DHX57: variants seen among roughly 807,000 people sequenced by gnomAD.
The protein encoded by DHX57 is putative ATP-dependent RNA helicase DHX57.
Under a neutral mutation model 156.2 loss-of-function variants are expected in DHX57, and 105 were observed. That is an observed-to-expected ratio of 0.67 (90% CI 0.57 to 0.79). DHX57 has a LOEUF of 0.79. Ranked by LOEUF, DHX57 falls within the 30% of genes least tolerant of loss-of-function variation. The probability of loss-of-function intolerance (pLI) is 0.00; values close to 1 mark genes in which losing one functional copy is unlikely to be tolerated. For synonymous variants in DHX57, 704 were observed against 595.6 expected, an observed-to-expected ratio of 1.18 and a Z score of -2.65; for missense variants, 1,847 against 1,661.9, an observed-to-expected ratio of 1.11 and a Z score of -1.94.
rs75639677 is a variant in DHX57, at chr2:38,805,499, G to A, written c.3816+1060C>T. 7.5e-3 allele frequency among the ~76,000 whole-genome samples: 1,135 copies of A among 152,296 alleles called. 7 individuals carry two copies. The highest frequency in any genetic ancestry group is 0.025 in the African/African-American group (1,041 of 41,552). On this transcript the variant is annotated intron_variant, in intron 22 of 23. Coordinates refer to ENST00000457308, the MANE Select transcript of DHX57 (RefSeq NM_198963.3). ...AGGTTGGAGACAGAAAGCACCAGAT[G>A]TAAGATTATTATAGAATTTCAGGCA...
At chr2:38,847,467 A>AT (rs1672352310) in intron 10 of DHX57, among the ~76,000 whole-genome samples, 2 of 152,306 alleles carry the variant, frequency 1.3e-5, no homozygotes, top group South Asian at 4.1e-4. Context: ...AAACTGCACT[A>AT]TTTTTTATCA....
Position 38,856,466 on chromosome 2 carries a change from T to G in DHX57, c.1588-5A>C, listed in dbSNP as rs777352699. 2.5e-6 allele frequency: 4 copies of G among 1,580,958 alleles called. No individual in the cohort carries two copies. In the South Asian group the frequency reaches 4.7e-5, roughly 19 times the overall value. ...GGACTGGAACTGTCTGGAAGCCTAATAAAATCAAAGATAAGATATCAGTTG... is the reference window on the plus strand; with the variant it reads ...GGACTGGAACTGTCTGGAAGCCTAAGAAAATCAAAGATAAGATATCAGTTG... On this transcript the variant is annotated splice_polypyrimidine_tract_variant and splice_region_variant and intron_variant, in intron 6 of 23. Coordinates refer to ENST00000457308, the MANE Select transcript of DHX57 (RefSeq NM_198963.3).
intron 20 of DHX57, among the ~76,000 whole-genome samples, chr2:38,815,058 A>G (rs1670454770): frequency 6.7e-6 from 1 of 148,892 alleles, no homozygotes; most frequent in Non-Finnish European, 1.5e-5. Flanking sequence ...ACACTTAAAA[A>G]AATTTTTTTA....
intron 21 of DHX57, chr2:38,810,383 C>T (rs182206091): frequency 2.4e-5 from 12 of 494,676 alleles, no homozygotes; most frequent in African/African-American, 2.1e-4. Context: ...AGTGCCTGTA[C>T]TTGGGGAATC....
chr2:38,800,319 A>C (rs1459314565), intron 23 of DHX57, among the ~76,000 whole-genome samples: 3 of 151,776 alleles, frequency 2.0e-5, no homozygotes, highest in Admixed American at 2.0e-4. Flanking sequence ...GCGCCACTGC[A>C]CTCCAGCCTG....
At position 38,819,116 on chromosome 2, in the gene DHX57, GCTT is replaced by G. The variant is rs770136975; in HGVS notation, c.3317_3319del (p.Glu1106del). On this transcript the variant is annotated inframe_deletion, in exon 18 of 24. Coordinates refer to ENST00000457308, the MANE Select transcript of DHX57 (RefSeq NM_198963.3). ...TGCAAATTCCAGCTTTTTCTGGTTAGCTTCTTCTTTTTTATCCCAGGGAGATAC... is the reference window on the plus strand; with the variant it reads ...TGCAAATTCCAGCTTTTTCTGGTTAGCTTCTTTTTTATCCCAGGGAGATAC... 1.2e-5 allele frequency: 19 copies of G among 1,613,950 alleles called. No homozygotes were observed. The highest frequency in any genetic ancestry group is 6.6e-5 in the South Asian group (6 of 91,090).
intron 21 of DHX57, chr2:38,810,550 C>T (rs1210193904): frequency 1.8e-6 from 1 of 570,210 alleles, no homozygotes; most frequent in Non-Finnish European, 3.3e-6. Context: ...CACGTTCATG[C>T]TCACCTGCTC....
intron 3 of DHX57, 33 bp from the exon 4 acceptor site, chr2:38,862,366 T>A: frequency 6.8e-7 from 1 of 1,474,050 alleles, no homozygotes; most frequent in South Asian, 1.5e-5. Flanking sequence ...ATATTAGATA[T>A]TACTTTCTAC....
Position 38,798,226 on chromosome 2 carries a change from G to C in DHX57, c.*73C>G. The stretch of plus-strand genomic sequence containing the variant: ...CAGCCCCAATAGGTCTTTAGTTCGA[G>C]GTAGAGGTTCTGCTGTTATTTCCCA... On this transcript the variant is annotated 3_prime_UTR_variant, in exon 24 of 24. Coordinates refer to ENST00000457308, the MANE Select transcript of DHX57 (RefSeq NM_198963.3). 6.5e-7 allele frequency: 1 copy of C among 1,549,244 alleles called. No homozygotes were observed.
chr2:38,837,615 A>AAAAAAAAAAAAAAAAAAAT (rs2124858535), intron 13 of DHX57, among the ~76,000 whole-genome samples: 1 of 149,676 alleles, frequency 6.7e-6, no homozygotes, highest in African/African-American at 2.4e-5. Context: ...CCGTCTCAAA[A>AAAAAAAAAAAAAAAAAAAT]AAAAAAAAAG....
chr2:38,799,917 G>A (rs1572607224), intron 23 of DHX57, among the ~76,000 whole-genome samples: 1 of 152,154 alleles, frequency 6.6e-6, no homozygotes, highest in Non-Finnish European at 1.5e-5. Context: ...GCCTGGCGCG[G>A]TGGCTCATGC....
intron 23 of DHX57, among the ~76,000 whole-genome samples, chr2:38,799,742 C>T (rs1467008212): frequency 1.0e-5 from 1 of 99,056 alleles, no homozygotes; most frequent in African/African-American, 3.7e-5. Flanking sequence ...AAGAGCAAAA[C>T]TCCATCTCAA....
At chr2:38,825,343 C>T (rs1334931812) in intron 16 of DHX57, among the ~76,000 whole-genome samples, 1 of 152,044 alleles carries the variant, frequency 6.6e-6, no homozygotes, top group East Asian at 1.9e-4. Flanking sequence ...CACTCTGTTG[C>T]CCAGGCTGGA....
intron 16 of DHX57, among the ~76,000 whole-genome samples, chr2:38,825,376 C>A (rs1180068890): frequency 6.6e-6 from 1 of 152,108 alleles, no homozygotes; most frequent in East Asian, 1.9e-4. Context: ...GATCTCAGCT[C>A]ACTGCAACCT....
At chr2:38,850,935 G>A (rs552980419) in intron 9 of DHX57, among the ~76,000 whole-genome samples, 187 of 152,220 alleles carry the variant, frequency 1.2e-3, no homozygotes, top group African/African-American at 3.9e-3. Context: ...AAATTAGCCA[G>A]GCCTGGTGGC....
intron 22 of DHX57, 47 bp downstream of exon 22, chr2:38,806,512 T>A: frequency 6.3e-7 from 1 of 1,596,744 alleles, no homozygotes; most frequent in Admixed American, 1.7e-5. Flanking sequence ...TTGCATTTCC[T>A]ACCCCAGGAC....
At chr2:38,826,094 G>A in intron 15 of DHX57, 47 bp from the exon 16 acceptor site, 2 of 1,564,340 alleles carry the variant, frequency 1.3e-6, no homozygotes, top group Non-Finnish European at 1.7e-6. Flanking sequence ...ATAAAAACAT[G>A]GCCAAGACTG....
intron 1 of DHX57, among the ~76,000 whole-genome samples, chr2:38,869,122 C>T (rs1410877643): frequency 6.6e-6 from 1 of 152,116 alleles, no homozygotes; most frequent in Non-Finnish European, 1.5e-5. Context: ...TTTTAAAAAT[C>T]CAGTTGAGAA....
Position 38,855,112 on chromosome 2 carries a change from C to T in DHX57, c.1850G>A (p.Arg617Lys). ...ISVAERVAKE[R>K]AERVGLTVGY... ...CACGGTCAGACCCACCCTCTCTGCT[C>T]TTTCTTTAGCAACGCGTTCAGCAAC... The change falls in exon 8 of 24, where the codon AGA becomes AAA. Residue 617 changes from arginine to lysine, a missense_variant. Arg to Lys is a conservative substitution (Grantham distance 26). Transcript: ENST00000457308. The T allele has an allele frequency of 5.0e-6, 8 of 1,614,104 alleles. No homozygotes were observed. Among genetic ancestry groups the T allele is most frequent in the African/African-American group, 1.3e-5 (1 of 75,022 alleles).
Sources: gnomAD v4.1 joint callset for allele counts (sites outside exome capture counted in the v4.1 genomes callset) on GRCh38, gnomAD v4.1.1 for gene constraint, MANE v1.5 for transcripts, NCBI Gene and HGNC (gene_info 2026-07-23, HGNC 2026-07-21) for gene names.